GNS: variants seen among roughly 807,000 people sequenced by gnomAD.
GNS encodes N-acetylglucosamine-6-sulfatase.
A neutral mutation model predicts 69.7 loss-of-function variants in GNS; 40 were observed. The observed-to-expected ratio is 0.57, with a 90% CI of 0.45 to 0.75. The LOEUF (loss-of-function observed/expected upper bound fraction) is 0.75, where lower values mean the gene tolerates loss of function less well. Among genes scored for constraint, GNS ranks in the 30% least tolerant of loss-of-function variants. The pLI is 0.00. For synonymous variants in GNS, 243 were observed against 251.6 expected (o/e 0.97, Z 0.32); for missense variants, 565 against 685.5 (o/e 0.82, Z 1.96).
At chr12:64,743,389 AC>A in intron 5 of GNS, 81 bp from the exon 6 acceptor site, 2 of 988,554 alleles carry the variant, frequency 2.0e-6, no homozygotes, top group Non-Finnish European at 3.2e-6. Flanking sequence ...TGGTGAGCAG[AC>A]AGTACAGGGT....
chr12:64,738,343 A>T (rs1869617014), intron 8 of GNS, among the ~76,000 whole-genome samples: 1 of 152,202 alleles, frequency 6.6e-6, no homozygotes, highest in Admixed American at 6.5e-5. Flanking sequence ...CCAGAGTCAG[A>T]TGCATAATCC....
intron 3 of GNS, among the ~76,000 whole-genome samples, chr12:64,746,674 T>G (rs973409962): frequency 6.6e-6 from 1 of 152,212 alleles, no homozygotes; most frequent in African/African-American, 2.4e-5. Context: ...CAGAATTTAA[T>G]CCCTGAAAAC....
intron 9 of GNS, among the ~76,000 whole-genome samples, chr12:64,730,626 T>C (rs966685940): frequency 1.3e-5 from 2 of 151,936 alleles, no homozygotes; most frequent in Non-Finnish European, 2.9e-5. Flanking sequence ...TGTTACTCAG[T>C]GGGGGAAAAA....
rs749534745 is a variant in GNS, at chr12:64,721,562, A to G, written c.1419+33T>C. ...GCCAACAAAGCACCAGCAAGAAAGG[A>G]GCGGGGGAAGTGCAGGCAGAAGTCC... On this transcript the variant is annotated intron_variant, in intron 12 of 13. Transcript: ENST00000258145. The G allele has an allele frequency of 6.2e-5, 60 of 960,568 alleles. 1 individual carries two copies. The highest frequency in any genetic ancestry group is 6.0e-4 in the South Asian group (47 of 78,078). The allele number at this position is 960,568 out of a possible 1,614,324, so 59.5% of individuals were successfully genotyped here. A position where few individuals can be genotyped will look rare whatever the true frequency, so the allele number is the denominator to read the frequency against.
chr12:64,754,709 C>A (rs971098997), intron 1 of GNS, among the ~76,000 whole-genome samples: 1 of 151,988 alleles, frequency 6.6e-6, no homozygotes, highest in Admixed American at 6.6e-5. Flanking sequence ...GGCAACACAG[C>A]AAGACCCTGG....
intron 5 of GNS, 103 bp downstream of exon 5, chr12:64,744,706 T>G: frequency 2.7e-6 from 2 of 738,056 alleles, no homozygotes; most frequent in Non-Finnish European, 2.5e-6. Context: ...GCATTTATAT[T>G]ACCCAACACA....
At chr12:64,746,695 T>C (rs1305859152) in intron 3 of GNS, among the ~76,000 whole-genome samples, 1 of 152,234 alleles carries the variant, frequency 6.6e-6, no homozygotes, top group Non-Finnish European at 1.5e-5. Context: ...AAAATCTTTA[T>C]ACTTTAACGA....
intron 8 of GNS, 144 bp from the exon 9 acceptor site, chr12:64,737,251 T>C (rs1029607903): frequency 3.0e-6 from 2 of 675,060 alleles, no homozygotes; most frequent in African/African-American, 1.8e-5. Flanking sequence ...GAAATTTGCC[T>C]GGGTCTCTTG....
intron 9 of GNS, among the ~76,000 whole-genome samples, chr12:64,736,199 G>A (rs1353923139): frequency 2.0e-5 from 3 of 152,166 alleles, no homozygotes; most frequent in Non-Finnish European, 4.4e-5. Context: ...TTGGATGAAG[G>A]TCCTCATGAC....
At chr12:64,746,000 C>A in intron 3 of GNS, 1 of 492,446 alleles carries the variant, frequency 2.0e-6, no homozygotes. Flanking sequence ...AAAAGTTAAT[C>A]AAAATAAGAA....
intron 6 of GNS, among the ~76,000 whole-genome samples, chr12:64,742,146 G>A (rs554740234): frequency 3.2e-4 from 48 of 152,100 alleles, no homozygotes; most frequent in Admixed American, 8.5e-4. Flanking sequence ...TCAGCCTCCC[G>A]AGTAGCTGGG....
At chr12:64,739,792 TA>T (rs1215807874) in intron 7 of GNS, among the ~76,000 whole-genome samples, 2 of 152,238 alleles carry the variant, frequency 1.3e-5, no homozygotes, top group Non-Finnish European at 2.9e-5. Context: ...AACTCGTTTT[TA>T]AATAACCAGT....
rs746970479 is a variant in GNS at position 64,720,085 on chromosome 12, C to T, written c.1517G>A (p.Arg506Gln). The T allele has an allele frequency of 5.0e-6, 8 of 1,610,570 alleles. No homozygotes were observed. Among genetic ancestry groups the T allele is most frequent in the East Asian group, 4.5e-5 (2 of 44,880 alleles). The part of the protein sequence containing the change: ...DPELLGKMNY[R>Q]LMMLQSCSGP... ...AGAACAGGACTGTAACATCATTAAC[C>T]GATAGTTCATCTTTCCTAAAAGCTC... The change falls in exon 13 of 14, where the codon CGG (arginine) becomes CAG (glutamine). Residue 506 changes from arginine (R) to glutamine (Q), a missense_variant. This residue lies in a region of GNS where 384 missense variants were observed against 511.0 expected (regional missense o/e 0.75). Coordinates refer to ENST00000258145, the MANE Select transcript of GNS (RefSeq NM_002076.4).
At chr12:64,746,607 G>T (rs754445337) in intron 3 of GNS, among the ~76,000 whole-genome samples, 2 of 152,092 alleles carry the variant, frequency 1.3e-5, no homozygotes, top group Non-Finnish European at 2.9e-5. Flanking sequence ...ATAAAATAAA[G>T]AAACCACAGA....
intron 3 of GNS, 144 bp downstream of exon 3, chr12:64,747,568 T>C (rs764612637): frequency 1.6e-6 from 1 of 644,686 alleles, no homozygotes; most frequent in Non-Finnish European, 2.8e-6. Flanking sequence ...TTACATGATA[T>C]GGGTACTTGT....
rs780165108 is a variant in GNS, at chr12:64,723,011, C to T, written c.1303G>A (p.Val435Ile). The change falls in exon 11 of 14, where the codon GTA (valine) becomes ATA (isoleucine). Residue 435 changes from valine (V) to isoleucine (I), a missense_variant. This residue lies in a region of GNS where 384 missense variants were observed against 511.0 expected (regional missense o/e 0.75). Transcript: ENST00000258145. The stretch of plus-strand genomic sequence containing the variant: ...TGATTCAAGCTATTACTCACAGATA[C>T]GCCAGGACTCAGGGAAGGGCATGTT... Reference protein sequence around the residue: ...DPTCPSLSPGVSQCFPDCVCE... With the variant: ...DPTCPSLSPGISQCFPDCVCE... 8 of 1,575,844 alleles carry T rather than the reference C, an allele frequency of 5.1e-6. No homozygotes were observed. The highest frequency in any genetic ancestry group is 6.1e-6 in the Non-Finnish European group (7 of 1,145,034).
chr12:64,752,638 T>A (rs1394701077), intron 2 of GNS, 60 bp downstream of exon 2: 1 of 851,448 alleles, frequency 1.2e-6, no homozygotes, highest in Admixed American at 1.7e-5. Context: ...GAGAAGAGAG[T>A]ATCTTCTTAG....
chr12:64,740,140 G>A (rs1869687684), intron 7 of GNS, among the ~76,000 whole-genome samples: 1 of 152,140 alleles, frequency 6.6e-6, no homozygotes, highest in Admixed American at 6.5e-5. Flanking sequence ...TACAGAAAAA[G>A]TTTGCTTATC....
chr12:64,719,212 A>C (rs1181730404), intron 13 of GNS, among the ~76,000 whole-genome samples: 1 of 152,256 alleles, frequency 6.6e-6, no homozygotes, highest in Admixed American at 6.5e-5. Context: ...TTTGGACTAA[A>C]GATAAAATTT....
Sources: allele counts gnomAD v4.1 joint callset (sites outside exome capture counted in the v4.1 genomes callset), GRCh38; gene constraint gnomAD v4.1.1; regional missense constraint gnomAD v4.1.1; transcripts MANE v1.5; gene names NCBI Gene and HGNC (gene_info 2026-07-23, HGNC 2026-07-21).